The following ERC1 variants were observed in gnomAD, a reference collection of about 807,000 sequenced individuals.
ERC1 encodes ELKS/RAB6-interacting/CAST family member 1, also known as RAB6 interacting protein 2.
In ERC1, 56 loss-of-function variants were observed where a neutral mutation model predicts 132.0. The observed-to-expected ratio is 0.42, with a 90% CI of 0.34 to 0.53. The LOEUF (loss-of-function observed/expected upper bound fraction) is 0.53, where lower values mean the gene tolerates loss of function less well. Among genes scored for constraint, ERC1 ranks in the 20% least tolerant of loss-of-function variants. ERC1 has a pLI of 0.03. For missense variants in ERC1, 1,202 were observed against 1,349.9 expected, an observed-to-expected ratio of 0.89 and a Z score of 1.72; for synonymous variants, 478 against 476.1, an observed-to-expected ratio of 1.00 and a Z score of -0.05.
intron 17 of ERC1, among the ~76,000 whole-genome samples, chr12:1,442,049 T>C (rs1030174387): frequency 3.9e-5 from 6 of 152,274 alleles, no homozygotes; most frequent in Non-Finnish European, 8.8e-5. Context: ...GGCCTCAGCC[T>C]CCCACATAGC....
At chr12:1,201,222 T>C (rs1288931496) in intron 12 of ERC1, among the ~76,000 whole-genome samples, 2 of 152,182 alleles carry the variant, frequency 1.3e-5, no homozygotes, top group Non-Finnish European at 1.5e-5. Flanking sequence ...ATCTCTGAAA[T>C]TGGGATACAC....
chr12:995,539 C>A (rs1402543847), intron 1 of ERC1, among the ~76,000 whole-genome samples: 1 of 152,060 alleles, frequency 6.6e-6, no homozygotes, highest in Non-Finnish European at 1.5e-5. Context: ...GTGGAGAAAC[C>A]AGAAGTTCAG....
chr12:1,266,041 G>A (rs900079269), intron 14 of ERC1, among the ~76,000 whole-genome samples: 6 of 152,282 alleles, frequency 3.9e-5, no homozygotes, highest in South Asian at 2.1e-4. Flanking sequence ...GTGGATATAA[G>A]TTTTCAGCTC....
intron 15 of ERC1, among the ~76,000 whole-genome samples, chr12:1,302,398 T>C (rs538949469): frequency 1.3e-5 from 2 of 152,306 alleles, no homozygotes; most frequent in Admixed American, 6.5e-5. Context: ...TACCTAATGA[T>C]GTAAGCTGAA....
intron 7 of ERC1, among the ~76,000 whole-genome samples, chr12:1,125,226 C>T (rs1948026558): frequency 1.3e-5 from 2 of 151,936 alleles, no homozygotes; most frequent in African/African-American, 4.8e-5. Context: ...AATCTCCTGA[C>T]CTTATGATCT....
At chr12:1,321,491 C>A (rs1333695215) in intron 15 of ERC1, among the ~76,000 whole-genome samples, 3 of 152,110 alleles carry the variant, frequency 2.0e-5, no homozygotes, top group Admixed American at 1.3e-4. Flanking sequence ...ATGGAAAATG[C>A]AGCTTCTGTT....
chr12:1,219,635 C>CTTTTTTTTTT lies in ERC1; in HGVS notation c.2352-17130_2352-17121dup, dbSNP rs775838825. Among the ~76,000 whole-genome samples, 28 of 140,740 alleles carry CTTTTTTTTTT rather than the reference C, an allele frequency of 2.0e-4. 1 individual carries two copies. The highest frequency in any genetic ancestry group is 5.9e-4 in the African/African-American group (22 of 37,160). The allele number at this position is 140,740 out of a possible 152,430, so 92.3% of individuals were successfully genotyped here. On this transcript the variant is annotated intron_variant, in intron 12 of 18. Coordinates refer to ENST00000360905, the MANE Select transcript of ERC1 (RefSeq NM_178040.4). ...CTCTGTAGCAATCAGACTGAACTCT[C>CTTTTTTTTTT]TTTTTTTTTTTTTCTTTTTTGAGAC...
chr12:1,098,868 A>G (rs1003310713), intron 3 of ERC1, among the ~76,000 whole-genome samples: 2 of 152,226 alleles, frequency 1.3e-5, no homozygotes, highest in South Asian at 2.1e-4. Context: ...TCACCTGGTC[A>G]CTGGTCTAAT....
intron 17 of ERC1, among the ~76,000 whole-genome samples, chr12:1,409,799 C>T (rs910934809): frequency 2.6e-5 from 4 of 152,156 alleles, no homozygotes; most frequent in Non-Finnish European, 5.9e-5. Context: ...ACCTACACCT[C>T]CTGGGTTCAA....
intron 2 of ERC1, among the ~76,000 whole-genome samples, chr12:1,035,359 G>A (rs979256505): frequency 2.6e-5 from 4 of 152,156 alleles, no homozygotes; most frequent in Non-Finnish European, 5.9e-5. Context: ...ATGTAAAGAC[G>A]CATTTGCTTA....
intron 8 of ERC1, among the ~76,000 whole-genome samples, chr12:1,170,377 T>A (rs1317254297): frequency 6.6e-6 from 1 of 152,140 alleles, no homozygotes; most frequent in East Asian, 1.9e-4. Flanking sequence ...CTTTAGTTTT[T>A]AAAAAAATAT....
chr12:990,778 G>A (rs78547938), upstream of ERC1: 2 of 152,156 alleles, frequency 1.3e-5, no homozygotes, highest in Non-Finnish European at 2.9e-5. Context: ...AACGGGCCAC[G>A]AGAAGTAGGG....
intron 17 of ERC1, among the ~76,000 whole-genome samples, chr12:1,431,560 A>G (rs1565425064): frequency 6.6e-6 from 1 of 152,184 alleles, no homozygotes; most frequent in South Asian, 2.1e-4. Flanking sequence ...TCATATTTAA[A>G]TTGCATAACG....
intron 8 of ERC1, among the ~76,000 whole-genome samples, chr12:1,157,936 G>C (rs1015067274): frequency 2.0e-5 from 3 of 152,168 alleles, no homozygotes; most frequent in African/African-American, 7.2e-5. Flanking sequence ...ATTCTAAAGA[G>C]AGTCAAACTG....
rs566430184 is a variant in ERC1 at position 1,010,345 on chromosome 12, G to A, written c.-156-17403G>A. The stretch of plus-strand genomic sequence containing the variant: ...AAAATACAAAAATTAGCTGGGCGTG[G>A]TGGCGGGTGCCTGTAATCCCAGCTA... On this transcript the variant is annotated intron_variant, in intron 1 of 18. Coordinates refer to ENST00000360905, the MANE Select transcript of ERC1 (RefSeq NM_178040.4). Among the ~76,000 whole-genome samples, 3 of 151,772 alleles carry A rather than the reference G, an allele frequency of 2.0e-5. No individual in the cohort carries two copies. In the South Asian group the frequency reaches 6.2e-4, roughly 32 times the overall value.
At chr12:1,046,104 G>A (rs751328260) in intron 2 of ERC1, among the ~76,000 whole-genome samples, 1 of 152,084 alleles carries the variant, frequency 6.6e-6, no homozygotes, top group Non-Finnish European at 1.5e-5. Context: ...GGGGAGACTG[G>A]CATAGGATTG....
intron 4 of ERC1, among the ~76,000 whole-genome samples, chr12:1,105,728 TTTTA>T (rs1945189969): frequency 1.3e-5 from 2 of 152,314 alleles, no homozygotes; most frequent in Admixed American, 1.3e-4. Context: ...CTTTTAAAAA[TTTTA>T]TTTCTTATTT....
At chr12:1,101,418 C>T (rs993917436) in intron 3 of ERC1, among the ~76,000 whole-genome samples, 2 of 152,212 alleles carry the variant, frequency 1.3e-5, no homozygotes, top group Non-Finnish European at 2.9e-5. Flanking sequence ...CTCACCACCA[C>T]TGGAGCCTCT....
At chr12:1,163,849 G>A (rs890230215) in intron 8 of ERC1, among the ~76,000 whole-genome samples, 2 of 152,048 alleles carry the variant, frequency 1.3e-5, no homozygotes, top group African/African-American at 4.8e-5. Flanking sequence ...CCTAGTAGCT[G>A]GGATTACAGG....
Sources: allele counts gnomAD v4.1 joint callset (sites outside exome capture counted in the v4.1 genomes callset), GRCh38; gene constraint gnomAD v4.1.1; transcripts MANE v1.5; gene names NCBI Gene and HGNC (gene_info 2026-07-23, HGNC 2026-07-21).